The following PLCH1 variants were observed in gnomAD, a reference collection of about 807,000 sequenced individuals.
PLCH1 encodes 1-phosphatidylinositol 4,5-bisphosphate phosphodiesterase eta-1.
Under a neutral mutation model 126.7 loss-of-function variants are expected in PLCH1, and 60 were observed. That is an observed-to-expected ratio of 0.47 (90% CI 0.38 to 0.59). PLCH1 has a LOEUF of 0.59. Among genes scored for constraint, PLCH1 ranks in the 20% least tolerant of loss-of-function variants. PLCH1 has a pLI of 0.00. For synonymous variants in PLCH1, 719 were observed against 734.9 expected, an observed-to-expected ratio of 0.98 and a Z score of 0.35; for missense variants, 1,723 against 2,040.0, an observed-to-expected ratio of 0.84 and a Z score of 2.99.
intron 21 of PLCH1, chr3:155,457,640 T>C (rs1274876695): frequency 1.3e-5 from 2 of 152,230 alleles, no homozygotes; most frequent in Non-Finnish European, 1.5e-5. Context: ...ATATTATCTA[T>C]TTATGTGTAT....
intron 5 of PLCH1, among the ~76,000 whole-genome samples, 190 bp downstream of exon 5, chr3:155,585,875 T>G (rs145581889): frequency 6.6e-6 from 1 of 152,304 alleles, no homozygotes; most frequent in East Asian, 1.9e-4. Flanking sequence ...GGAAGTGAAA[T>G]TTTGGACGAA....
At chr3:155,586,512 G>A (rs1277259302) in intron 4 of PLCH1, among the ~76,000 whole-genome samples, 3 of 152,094 alleles carry the variant, frequency 2.0e-5, no homozygotes, top group African/African-American at 7.2e-5. Context: ...TTTGAGACCA[G>A]CCTGGCCAAC....
intron 1 of PLCH1, among the ~76,000 whole-genome samples, chr3:155,726,103 A>G (rs142244653): frequency 1.3e-5 from 2 of 152,324 alleles, no homozygotes; most frequent in Non-Finnish European, 2.9e-5. Context: ...TTGCTTCTCC[A>G]ACTTATGTTA....
intron 8 of PLCH1, among the ~76,000 whole-genome samples, chr3:155,561,118 T>C (rs535084133): frequency 8.7e-4 from 132 of 152,222 alleles, no homozygotes; most frequent in African/African-American, 3.0e-3. Context: ...CCTTTTCTTT[T>C]TTTTTTAATT....
At position 155,685,638 on chromosome 3, in the gene PLCH1, G is replaced by A. The variant is rs148201664; in HGVS notation, c.79+18508C>T. Among the ~76,000 whole-genome samples, 7 of 152,270 alleles carry A rather than the reference G, an allele frequency of 4.6e-5. No homozygotes were observed. In the East Asian group the frequency reaches 1.3e-3, roughly 29 times the overall value. On this transcript the variant is annotated intron_variant, in intron 2 of 22. Transcript: ENST00000460012. ...CCAGTAACTTAACAATCCAAGCCAA[G>A]CTATTTTAAATCTCTCTAAGCCTCA...
At chr3:155,562,397 A>G (rs550852127) in intron 8 of PLCH1, among the ~76,000 whole-genome samples, 109 of 152,232 alleles carry the variant, frequency 7.2e-4, no homozygotes, top group Non-Finnish European at 1.3e-3. Context: ...ATGGCCCCCT[A>G]TCCACTTCGC....
chr3:155,597,215 C>A (rs937590089), intron 2 of PLCH1, among the ~76,000 whole-genome samples: 1 of 152,158 alleles, frequency 6.6e-6, no homozygotes, highest in South Asian at 2.1e-4. Flanking sequence ...AGTAGACACA[C>A]CTGACTTAAG....
intron 1 of PLCH1, among the ~76,000 whole-genome samples, chr3:155,736,068 A>G (rs1456136350): frequency 6.6e-6 from 1 of 152,266 alleles, no homozygotes; most frequent in Non-Finnish European, 1.5e-5. Flanking sequence ...GAGAAAACGT[A>G]CACCTTTAAT....
chr3:155,481,445 C>G lies in PLCH1; in HGVS notation c.4581G>C (p.Ser1527=). The part of the protein sequence containing the change: ...DKKGVTVKTK[S]LEPIDALTEQ... The stretch of plus-strand genomic sequence containing the variant: ...CGGTCAGGGCATCTATAGGCTCTAA[C>G]GACTTTGTCTTCACAGTCACGCCCT... The change falls in exon 23 of 23, where the codon TCG becomes TCC. Residue 1527 remains serine (S), a synonymous_variant. Transcript: ENST00000460012. The surrounding 1 kb of genome is among the most constrained non-coding windows in gnomAD (Gnocchi z 4.2). 1.2e-6 allele frequency: 2 copies of G among 1,614,200 alleles called. No individual in the cohort carries two copies. Among genetic ancestry groups the G allele is most frequent in the Non-Finnish European group, 1.7e-6 (2 of 1,180,040 alleles).
intron 1 of PLCH1, chr3:155,743,252 C>A: frequency 2.2e-6 from 1 of 454,490 alleles, no homozygotes; most frequent in Non-Finnish European, 4.4e-6. Flanking sequence ...TTCTCATCTG[C>A]TGGGCGCGGT....
Position 155,480,274 on chromosome 3 carries a change from A to T in PLCH1, c.*694T>A, listed in dbSNP as rs1026538442. On this transcript the variant is annotated 3_prime_UTR_variant, in exon 23 of 23. Transcript: ENST00000460012. ...CTCGCTTCTTGTTACATACAAAGCCATTAGCAAAAATATGTAACAAAATTT... is the reference window on the plus strand; with the variant it reads ...CTCGCTTCTTGTTACATACAAAGCCTTTAGCAAAAATATGTAACAAAATTT... 6.5e-6 allele frequency: 1 copy of T among 152,674 alleles called. No homozygotes were observed. Among genetic ancestry groups the T allele is most frequent in the Non-Finnish European group, 1.5e-5 (1 of 68,042 alleles). The allele number at this position is 152,674 out of a possible 1,614,324, so 9.5% of individuals were successfully genotyped here. A position where few individuals can be genotyped will look rare whatever the true frequency, so the allele number is the denominator to read the frequency against.
At chr3:155,671,958 T>C (rs1743504162) in intron 2 of PLCH1, among the ~76,000 whole-genome samples, 1 of 152,138 alleles carries the variant, frequency 6.6e-6, no homozygotes, top group South Asian at 2.1e-4. Flanking sequence ...TTCTATAATA[T>C]TGTGTTTAAA....
At chr3:155,653,172 TATAGATATAGATATAGATATATAG>T (rs1740937479) in intron 2 of PLCH1, among the ~76,000 whole-genome samples, 1 of 114,578 alleles carries the variant, frequency 8.7e-6, no homozygotes, top group Admixed American at 9.9e-5. Flanking sequence ...TAGATATAGA[TATAGATATAGATATAGATATATAG>T]ATATAGATGA....
intron 2 of PLCH1, among the ~76,000 whole-genome samples, chr3:155,664,191 C>A (rs1742481188): frequency 6.6e-6 from 1 of 152,182 alleles, no homozygotes; most frequent in African/African-American, 2.4e-5. Context: ...CTCAGGGTGC[C>A]TGATTATCTT....
chr3:155,497,206 C>T, intron 15 of PLCH1, 114 bp downstream of exon 15: 2 of 722,732 alleles, frequency 2.8e-6, no homozygotes, highest in Non-Finnish European at 2.4e-6. Context: ...TTGGTTTCTA[C>T]ATAGTCCCAA....
intron 1 of PLCH1, among the ~76,000 whole-genome samples, chr3:155,735,337 A>C (rs1749095334): frequency 6.6e-6 from 1 of 152,172 alleles, no homozygotes; most frequent in Non-Finnish European, 1.5e-5. Context: ...TTTTATTCTT[A>C]AAAAATTGAT....
chr3:155,570,206 C>T (rs970862771), intron 6 of PLCH1, among the ~76,000 whole-genome samples: 1 of 152,150 alleles, frequency 6.6e-6, no homozygotes, highest in Non-Finnish European at 1.5e-5. Context: ...AATCTCCCAA[C>T]AGCAAAATCC....
At chr3:155,649,227 T>A (rs577836134) in intron 2 of PLCH1, among the ~76,000 whole-genome samples, 37 of 152,118 alleles carry the variant, frequency 2.4e-4, no homozygotes, top group Non-Finnish European at 5.0e-4. Flanking sequence ...CCATTAAATA[T>A]CTCCTCAACA....
chr3:155,547,439 G>T (rs544442868), intron 10 of PLCH1, among the ~76,000 whole-genome samples: 2 of 139,072 alleles, frequency 1.4e-5, no homozygotes, highest in East Asian at 4.2e-4. Flanking sequence ...TACACTGTTG[G>T]TGGGACTGTA....
Sources: gnomAD v4.1 joint callset for allele counts (sites outside exome capture counted in the v4.1 genomes callset) on GRCh38, gnomAD v4.1.1 for gene constraint, Gnocchi (gnomAD v3.1) non-coding constraint, MANE v1.5 for transcripts, NCBI Gene and HGNC (gene_info 2026-07-23, HGNC 2026-07-21) for gene names.